Variants in HDAC7 observed in about 807,000 individuals in gnomAD.
HDAC7 encodes the protein histone deacetylase 7A.
A neutral mutation model predicts 115.5 loss-of-function variants in HDAC7; 26 were observed. The ratio of observed to expected loss-of-function variants is 0.23; its 90% CI spans 0.16 to 0.31. The LOEUF (loss-of-function observed/expected upper bound fraction) is 0.31. Ranked by LOEUF, HDAC7 falls within the 10% of genes least tolerant of loss-of-function variation. The pLI, the probability that HDAC7 is intolerant of heterozygous loss-of-function variation, is 1.00. For missense variants in HDAC7, 1,068 were observed against 1,329.0 expected (o/e 0.80, Z 3.05); for synonymous variants, 564 against 550.9 (o/e 1.02, Z -0.33).
intron 21 of HDAC7, among the ~76,000 whole-genome samples, chr12:47,787,352 T>C (rs917746404): frequency 1.3e-5 from 2 of 151,920 alleles, no homozygotes; most frequent in Non-Finnish European, 2.9e-5. Flanking sequence ...AGGGCTCTCG[T>C]AGAATTAGCT....
chr12:47,787,655 T>A (rs1943244490), intron 21 of HDAC7, 57 bp downstream of exon 21: 1 of 1,276,428 alleles, frequency 7.8e-7, no homozygotes, highest in African/African-American at 1.5e-5. Context: ...CCTGGTGCTC[T>A]TGGGAGAAGG....
intron 1 of HDAC7, among the ~76,000 whole-genome samples, chr12:47,812,738 G>A (rs1944719709): frequency 3.3e-5 from 5 of 152,200 alleles, no homozygotes; most frequent in Admixed American, 3.3e-4. Flanking sequence ...GGGGCACAGA[G>A]AAAAGCCCCA....
chr12:47,789,372 C>T (rs751138215), intron 18 of HDAC7, 24 bp from the exon 19 acceptor site: 8 of 1,604,920 alleles, frequency 5.0e-6, no homozygotes, highest in Admixed American at 1.7e-5. Flanking sequence ...CAGGTCCTGC[C>T]AGCCCATTCT....
intron 1 of HDAC7, among the ~76,000 whole-genome samples, chr12:47,806,590 G>A (rs1255166929): frequency 1.3e-5 from 2 of 152,178 alleles, no homozygotes; most frequent in African/African-American, 4.8e-5. Flanking sequence ...TTGGGAGGCT[G>A]AGGCACAAGA....
intron 24 of HDAC7, chr12:47,784,672 G>A (rs761802489): frequency 4.0e-5 from 61 of 1,513,850 alleles, no homozygotes; most frequent in Non-Finnish European, 5.1e-5. Flanking sequence ...GAGGTGGGAC[G>A]AACACAACAT....
At chr12:47,799,842 C>A (rs1944076522) in intron 2 of HDAC7, among the ~76,000 whole-genome samples, 1 of 152,212 alleles carries the variant, frequency 6.6e-6, no homozygotes, top group African/African-American at 2.4e-5. Flanking sequence ...GGCTGAGACA[C>A]TGGGAGACGG....
At position 47,793,995 on chromosome 12, in the gene HDAC7, C is replaced by A. The variant is rs760197699; in HGVS notation, c.1459-407G>T. ...TCAAATTTATATGTTGAAGTCCCAA[C>A]CCCCAGTACCTCTAAACATGACCTT... On this transcript the variant is annotated intron_variant, in intron 12 of 25. Coordinates refer to ENST00000080059, the MANE Select transcript of HDAC7 (RefSeq NM_015401.5). The surrounding 1 kb of genome is among the most constrained non-coding windows in gnomAD (Gnocchi z 4.5). Among the ~76,000 whole-genome samples the A allele has an allele frequency of 2.0e-5, 3 of 152,214 alleles. No homozygotes were observed. Among genetic ancestry groups the A allele is most frequent in the Admixed American group, 6.5e-5 (1 of 15,288 alleles).
rs1461841183 is a variant in HDAC7 at position 47,798,062 on chromosome 12, T to C, written c.461+46A>G. Reference sequence around the variant, plus strand: ...CTCATGGCTAACACGGGGGCGGGGGTGGAGGGTGCATGTGGGGACAGGAGG... The same window carrying C: ...CTCATGGCTAACACGGGGGCGGGGGCGGAGGGTGCATGTGGGGACAGGAGG... On this transcript the variant is annotated intron_variant, in intron 5 of 25. Transcript: ENST00000080059. This position sits in a 1 kb window ranked among gnomAD's most constrained non-coding sequence, Gnocchi z 4.3. 1.6e-6 allele frequency: 2 copies of C among 1,237,056 alleles called. No homozygotes were observed. The highest frequency in any genetic ancestry group is 2.8e-5 in the East Asian group (1 of 35,098). 76.6% of individuals were successfully genotyped at this position (1,237,056 alleles called of 1,614,324 possible).
chr12:47,787,918 G>C (rs1350565929), intron 20 of HDAC7, 109 bp from the exon 21 acceptor site: 2 of 1,539,102 alleles, frequency 1.3e-6, no homozygotes, highest in Non-Finnish European at 1.8e-6. Context: ...ATTTCCAGGT[G>C]GGGAAGTTTA....
At chr12:47,800,951 T>G (rs1944137420) in intron 2 of HDAC7, among the ~76,000 whole-genome samples, 1 of 152,222 alleles carries the variant, frequency 6.6e-6, no homozygotes. Flanking sequence ...TGGTCTGCAT[T>G]TGAACATGAA....
chr12:47,795,742 G>T lies in HDAC7; in HGVS notation c.932C>A (p.Pro311Gln), dbSNP rs565007154. 6.5e-7 allele frequency: 1 copy of T among 1,542,694 alleles called. No individual in the cohort carries two copies. The highest frequency in any genetic ancestry group is 1.4e-5 in the African/African-American group (1 of 73,038). Residue 311 changes from proline to glutamine, a missense_variant, in exon 10 of 26, where the codon CCG (proline) becomes CAG (glutamine). Pro to Gln is a moderately conservative substitution (Grantham distance 76). This residue lies in a region of HDAC7 where 618 missense variants were observed against 701.5 expected (regional missense o/e 0.88). Transcript: ENST00000080059. This position sits in a 1 kb window ranked among gnomAD's most constrained non-coding sequence, Gnocchi z 4.3. Reference protein sequence around the residue: ...ARADSDRRTHPTLGPRGPILG... With the variant: ...ARADSDRRTHQTLGPRGPILG... The stretch of plus-strand genomic sequence containing the variant: ...GATTGGCCCCCGAGGGCCCAGAGTC[G>T]GATGGGTCCTGCGGTCACTGTCAGC...
At position 47,784,214 on chromosome 12, in the gene HDAC7, T is replaced by C. The variant is rs1166707321; in HGVS notation, c.2795A>G (p.Lys932Arg). The C allele has an allele frequency of 6.2e-7, 1 of 1,610,100 alleles. No homozygotes were observed. The highest frequency in any genetic ancestry group is 8.5e-7 in the Non-Finnish European group (1 of 1,178,308). The change falls in exon 25 of 26, where the codon AAA (lysine) becomes AGA (arginine). Residue 932 changes from lysine to arginine, a missense_variant. Coordinates refer to ENST00000080059, the MANE Select transcript of HDAC7 (RefSeq NM_015401.5). The part of the protein sequence containing the change: ...SLEAVIRVHS[K>R]YWGCMQRLAS... The stretch of plus-strand genomic sequence containing the variant: ...CAGGCGCTGCATGCAGCCCCAGTAT[T>C]TACCTGGGGTAAGATGCCAGGTCAG...
At chr12:47,790,010 C>T in intron 16 of HDAC7, 90 bp from the exon 17 acceptor site, 1 of 953,214 alleles carries the variant, frequency 1.0e-6, no homozygotes, top group Non-Finnish European at 1.7e-6. Flanking sequence ...ACGGCCAGGA[C>T]CCCAGGGGCA....
Position 47,797,291 on chromosome 12 carries a change from G to GGGCCCCCCCC in HDAC7, c.577+92_577+93insGGGGGGGGCC. On this transcript the variant is annotated intron_variant, in intron 6 of 25. Transcript: ENST00000080059. This position sits in a 1 kb window ranked among gnomAD's most constrained non-coding sequence, Gnocchi z 5.5. ...AGCCTACCGATGATCTCCTGGCCCA[G>GGGCCCCCCCC]CCCAGCCCGCCCACCCCTGCACACT... 2.2e-6 allele frequency: 3 copies of GGGCCCCCCCC among 1,336,136 alleles called. No homozygotes were observed. The highest frequency in any genetic ancestry group is 3.2e-6 in the Non-Finnish European group (3 of 948,910). The allele number at this position is 1,336,136 out of a possible 1,614,324, so 82.8% of individuals were successfully genotyped here.
At chr12:47,787,895 ATCCAGCCTCCCCATTTCCAG>A in intron 20 of HDAC7, 86 bp from the exon 21 acceptor site, 1 of 1,526,692 alleles carries the variant, frequency 6.6e-7, no homozygotes, top group Non-Finnish European at 9.0e-7. Context: ...AGCCCAGCTC[ATCCAGCCTCCCCATTTCCAG>A]GTGGGGAAGT....
intron 25 of HDAC7, 42 bp downstream of exon 25, chr12:47,784,037 G>GGTGGAGAGGCT: frequency 6.2e-7 from 1 of 1,608,150 alleles, no homozygotes; most frequent in Non-Finnish European, 8.5e-7. Context: ...GGAATGAAGC[G>GGTGGAGAGGCT]GTGGAGAGGC....
intron 2 of HDAC7, among the ~76,000 whole-genome samples, chr12:47,800,450 G>T (rs959488792): frequency 6.6e-6 from 1 of 152,198 alleles, no homozygotes; most frequent in Non-Finnish European, 1.5e-5. Flanking sequence ...CAGCAAGGAG[G>T]TGCCCGCCAT....
Position 47,782,763 on chromosome 12 carries a change from A to AT in HDAC7, c.*1077dup, listed in dbSNP as rs1257010601. 6.6e-6 allele frequency: 1 copy of AT among 152,218 alleles called. No individual in the cohort carries two copies. Among genetic ancestry groups the AT allele is most frequent in the African/African-American group, 2.4e-5 (1 of 41,308 alleles). The allele number at this position is 152,218 out of a possible 1,614,324, so 9.4% of individuals were successfully genotyped here. ...ACATTTATTGTTCAGATTTTTTTCCATTTTCTTCCTTTTTACAAAAACATG... is the reference window on the plus strand; with the variant it reads ...ACATTTATTGTTCAGATTTTTTTCCATTTTTCTTCCTTTTTACAAAAACATG... On this transcript the variant is annotated 3_prime_UTR_variant, in exon 26 of 26. Coordinates refer to ENST00000080059, the MANE Select transcript of HDAC7 (RefSeq NM_015401.5).
Position 47,795,226 on chromosome 12 carries a change from C to A in HDAC7, c.1242G>T (p.Gln414His). The A allele has an allele frequency of 1.9e-6, 3 of 1,613,084 alleles. No homozygotes were observed. The highest frequency in any genetic ancestry group is 2.5e-6 in the Non-Finnish European group (3 of 1,179,456). The change falls in exon 11 of 26, where the codon CAG becomes CAT. Residue 414 changes from glutamine to histidine, a missense_variant. By Grantham distance (24) the Gln-to-His change is conservative (BLOSUM62 0). This residue lies in a region of HDAC7 where 618 missense variants were observed against 701.5 expected (regional missense o/e 0.88). Coordinates refer to ENST00000080059, the MANE Select transcript of HDAC7 (RefSeq NM_015401.5). This position sits in a 1 kb window ranked among gnomAD's most constrained non-coding sequence, Gnocchi z 4.3. ...GAGTTTTGAGCTGCTCCAGGCGGGG[C>A]TGCATGGGGCCCGGCGGTGGGGGAG... The part of the protein sequence containing the change: ...ATAPPPPGPM[Q>H]PRLEQLKTHV...
Sources: gnomAD v4.1 joint callset for allele counts (sites outside exome capture counted in the v4.1 genomes callset) on GRCh38, gnomAD v4.1.1 for gene constraint, gnomAD v4.1.1 regional missense constraint, Gnocchi (gnomAD v3.1) non-coding constraint, MANE v1.5 for transcripts, NCBI Gene and HGNC (gene_info 2026-07-23, HGNC 2026-07-21) for gene names.